CHRM3: variants seen among roughly 807,000 people sequenced by gnomAD.
CHRM3 encodes the protein cholinergic receptor muscarinic 3, also known as muscarinic acetylcholine receptor M3.
Under a neutral mutation model 41.8 loss-of-function variants are expected in CHRM3, and 11 were observed. The observed-to-expected ratio is 0.26, with a 90% CI of 0.17 to 0.44. The LOEUF is 0.44. CHRM3 is among the 20% of genes least tolerant of loss of function. CHRM3 has a pLI of 1.00. For synonymous variants in CHRM3, 297 were observed against 301.4 expected (o/e 0.99, Z 0.15); for missense variants, 571 against 745.4 (o/e 0.77, Z 2.72).
rs1047984044 is a variant in CHRM3, at chr1:239,909,676, T to C, written c.*452T>C. ...CACTGCAGGCTTACGAATCTGTGGT[T>C]CCAAAATTATTTCATACGTTGCAAA... On this transcript the variant is annotated 3_prime_UTR_variant, in exon 7 of 7. Transcript: ENST00000676153. The C allele has an allele frequency of 1.8e-5, 3 of 170,108 alleles. No homozygotes were observed. The Admixed American group carries it at 1.9e-4, about 11-fold the overall frequency. The allele number at this position is 170,108 out of a possible 1,614,324, so 10.5% of individuals were successfully genotyped here.
rs1456082724 is a variant in CHRM3 at position 239,614,960 on chromosome 1, G to GA, written c.-312-17263dup. On this transcript the variant is annotated intron_variant, in intron 3 of 6. Coordinates refer to ENST00000676153, the MANE Select transcript of CHRM3 (RefSeq NM_001375978.1). ...GTAATGCTTATTTTATACACAGTAG[G>GA]ATTGTTGGAATTTATAAAAGGAAAA... 2.7e-4 allele frequency among the ~76,000 whole-genome samples: 41 copies of GA among 152,158 alleles called. 1 individual carries two copies. Among genetic ancestry groups the GA allele is most frequent in the Admixed American group, 2.7e-3 (41 of 15,274 alleles).
intron 5 of CHRM3, among the ~76,000 whole-genome samples, chr1:239,767,217 C>A (rs181728049): frequency 1.7e-3 from 254 of 152,140 alleles, no homozygotes; most frequent in Non-Finnish European, 2.7e-3. Flanking sequence ...TAAATGGATA[C>A]TGTTTATACA....
At chr1:239,390,163 A>C (rs1658901652) in intron 1 of CHRM3, among the ~76,000 whole-genome samples, 1 of 152,230 alleles carries the variant, frequency 6.6e-6, no homozygotes. Flanking sequence ...GAGCTTAATA[A>C]AATTGTAATC....
intron 2 of CHRM3, among the ~76,000 whole-genome samples, chr1:239,538,404 C>T (rs947521390): frequency 1.3e-5 from 2 of 152,222 alleles, no homozygotes; most frequent in Non-Finnish European, 2.9e-5. Flanking sequence ...CCTCACCCCT[C>T]TATCAAACAG....
intron 2 of CHRM3, among the ~76,000 whole-genome samples, chr1:239,543,335 C>T (rs1204653074): frequency 6.6e-6 from 1 of 152,104 alleles, no homozygotes; most frequent in Non-Finnish European, 1.5e-5. Context: ...AAGAAATACC[C>T]TGCCCTACTC....
At chr1:239,757,561 TG>T (rs1294900680) in intron 5 of CHRM3, among the ~76,000 whole-genome samples, 1 of 146,056 alleles carries the variant, frequency 6.8e-6, no homozygotes, top group East Asian at 2.0e-4. Context: ...ACCCGGGAGG[TG>T]GAGCTTGCAG....
chr1:239,784,316 A>G lies in CHRM3; in HGVS notation c.-146-42936A>G, dbSNP rs376729049. Among the ~76,000 whole-genome samples, 7 of 151,364 alleles carry G rather than the reference A, an allele frequency of 4.6e-5. No homozygotes were observed. In the East Asian group the frequency reaches 9.7e-4, roughly 21 times the overall value. On this transcript the variant is annotated intron_variant, in intron 5 of 6. Transcript: ENST00000676153. Reference sequence around the variant, plus strand: ...GCCCAAGTTCATTGTTCTTATTTTTATTTTTCCTTTTTCTACTTTCAGTCA... The same window carrying G: ...GCCCAAGTTCATTGTTCTTATTTTTGTTTTTCCTTTTTCTACTTTCAGTCA...
At chr1:239,768,083 A>G (rs1055948258) in intron 5 of CHRM3, among the ~76,000 whole-genome samples, 4 of 152,216 alleles carry the variant, frequency 2.6e-5, no homozygotes, top group Admixed American at 6.5e-5. Flanking sequence ...CCTATTCAAC[A>G]TAATAGGAAA....
rs1255431262 is a variant in CHRM3, at chr1:239,485,083, TTGA to T, written c.-520-7622_-520-7620del. 3.3e-5 allele frequency among the ~76,000 whole-genome samples: 5 copies of T among 152,262 alleles called. No homozygotes were observed. The East Asian group carries it at 9.7e-4, about 29-fold the overall frequency. On this transcript the variant is annotated intron_variant, in intron 1 of 6. Coordinates refer to ENST00000676153, the MANE Select transcript of CHRM3 (RefSeq NM_001375978.1). ...AACATTTCTCTTATTTATTATGAACTTGATGAGGGAACAGAAACTATTTCTCTA... is the reference window on the plus strand; with the variant it reads ...AACATTTCTCTTATTTATTATGAACTTGAGGGAACAGAAACTATTTCTCTA...
At chr1:239,710,964 G>C (rs770037319) in intron 5 of CHRM3, among the ~76,000 whole-genome samples, 3 of 151,330 alleles carry the variant, frequency 2.0e-5, no homozygotes, top group African/African-American at 4.9e-5. Context: ...AAATAATACT[G>C]TTCTGAGTTT....
rs535841279 is a variant in CHRM3, at chr1:239,419,374, T to C, written c.-521+32147T>C. Among the ~76,000 whole-genome samples the C allele has an allele frequency of 1.1e-3, 164 of 152,164 alleles. 1 individual carries two copies. The highest frequency in any genetic ancestry group is 3.9e-3 in the African/African-American group (160 of 41,544). On this transcript the variant is annotated intron_variant, in intron 1 of 6. Coordinates refer to ENST00000676153, the MANE Select transcript of CHRM3 (RefSeq NM_001375978.1). ...AGGCCGACCCAGCCTTTTTTTTTTTTTTTTTAAACAGATTAACCTTTTTGG... is the reference window on the plus strand; with the variant it reads ...AGGCCGACCCAGCCTTTTTTTTTTTCTTTTTAAACAGATTAACCTTTTTGG...
At chr1:239,767,689 G>A (rs1667333396) in intron 5 of CHRM3, among the ~76,000 whole-genome samples, 1 of 152,144 alleles carries the variant, frequency 6.6e-6, no homozygotes, top group Non-Finnish European at 1.5e-5. Flanking sequence ...TGTGCCAGGT[G>A]ATTTAGGTAT....
intron 2 of CHRM3, among the ~76,000 whole-genome samples, chr1:239,501,638 G>A (rs1255020435): frequency 8.6e-5 from 13 of 152,026 alleles, no homozygotes; most frequent in African/African-American, 2.7e-4. Context: ...GGCAGATCAC[G>A]AGGTCAGGAG....
chr1:239,618,707 G>A (rs1202542528), intron 3 of CHRM3, among the ~76,000 whole-genome samples: 5 of 150,764 alleles, frequency 3.3e-5, no homozygotes, highest in South Asian at 4.2e-4. Flanking sequence ...AGCTGGGCGT[G>A]GTGGCAGCCA....
chr1:239,506,488 G>A (rs1162569605), intron 2 of CHRM3, among the ~76,000 whole-genome samples: 1 of 152,164 alleles, frequency 6.6e-6, no homozygotes, highest in African/African-American at 2.4e-5. Context: ...AGTCAATAAT[G>A]GAGGTTTGGG....
At chr1:239,473,389 A>G (rs1666263143) in intron 1 of CHRM3, among the ~76,000 whole-genome samples, 1 of 152,134 alleles carries the variant, frequency 6.6e-6, no homozygotes, top group Admixed American at 6.5e-5. Flanking sequence ...CCAGAGAAAG[A>G]CATCCCAAGA....
At chr1:239,446,720 A>T (rs1227089735) in intron 1 of CHRM3, among the ~76,000 whole-genome samples, 1 of 152,224 alleles carries the variant, frequency 6.6e-6, no homozygotes, top group Non-Finnish European at 1.5e-5. Context: ...GGCCTGTACT[A>T]CTGAAATAAT....
intron 4 of CHRM3, among the ~76,000 whole-genome samples, chr1:239,655,940 C>T (rs767008834): frequency 1.3e-5 from 2 of 152,108 alleles, no homozygotes; most frequent in Non-Finnish European, 2.9e-5. Flanking sequence ...ATAAATAAAA[C>T]GTGGTACTTT....
At chr1:239,392,151 C>A (rs1288110867) in intron 1 of CHRM3, among the ~76,000 whole-genome samples, 1 of 152,198 alleles carries the variant, frequency 6.6e-6, no homozygotes, top group Non-Finnish European at 1.5e-5. Flanking sequence ...AGACCCCTTT[C>A]TTTCTATTCT....
Sources: allele counts gnomAD v4.1 joint callset (sites outside exome capture counted in the v4.1 genomes callset), GRCh38; gene constraint gnomAD v4.1.1; transcripts MANE v1.5; gene names NCBI Gene and HGNC (gene_info 2026-07-23, HGNC 2026-07-21).